The following ANKH variants were observed in gnomAD, a reference collection of about 807,000 sequenced individuals.
The protein encoded by ANKH is ANKH inorganic pyrophosphate transport regulator.
A neutral mutation model predicts 49.0 loss-of-function variants in ANKH; 15 were observed. The observed-to-expected ratio is 0.31, with a 90% CI of 0.20 to 0.47. The LOEUF is 0.47. ANKH is among the 20% of genes least tolerant of loss of function. The probability of loss-of-function intolerance (pLI) is 1.00; values close to 1 mark genes in which losing one functional copy is unlikely to be tolerated. For missense variants in ANKH, 429 were observed against 652.0 expected (o/e 0.66, Z 3.72); for synonymous variants, 273 against 260.0 (o/e 1.05, Z -0.48).
chr5:14,845,366 A>ATATATT (rs1425131816), intron 1 of ANKH, among the ~76,000 whole-genome samples: 12 of 75,728 alleles, frequency 1.6e-4, no homozygotes, highest in Admixed American at 4.2e-4. Context: ...ATATATATAT[A>ATATATT]TTTTTTTTTT....
At chr5:14,804,585 T>A (rs1740650002) in intron 1 of ANKH, among the ~76,000 whole-genome samples, 1 of 152,250 alleles carries the variant, frequency 6.6e-6, no homozygotes, top group South Asian at 2.1e-4. Context: ...AATGTGATTG[T>A]CAGTGATGGA....
chr5:14,809,710 T>G (rs1202758461), intron 1 of ANKH, among the ~76,000 whole-genome samples: 2 of 152,220 alleles, frequency 1.3e-5, no homozygotes, highest in East Asian at 1.9e-4. Flanking sequence ...TGTTCAATTC[T>G]CACCTTTCTG....
intron 1 of ANKH, among the ~76,000 whole-genome samples, chr5:14,838,096 C>T (rs917633811): frequency 5.9e-5 from 9 of 152,088 alleles, no homozygotes; most frequent in East Asian, 1.9e-4. Context: ...GGAAACATCA[C>T]GCACCAGGGC....
intron 11 of ANKH, among the ~76,000 whole-genome samples, chr5:14,711,903 C>G (rs748232847): frequency 6.6e-6 from 1 of 152,188 alleles, no homozygotes; most frequent in African/African-American, 2.4e-5. Flanking sequence ...TTGCCATTAT[C>G]GACACACCAA....
At position 14,856,172 on chromosome 5, in the gene ANKH, C is replaced by T. The variant is rs1160329293; in HGVS notation, c.96+15180G>A. ...CGATCTCTACAAAAAATAGAGGAGGCGGAGGCTGCAGTGAGCCGTGATCAT... is the reference window on the plus strand; with the variant it reads ...CGATCTCTACAAAAAATAGAGGAGGTGGAGGCTGCAGTGAGCCGTGATCAT... On this transcript the variant is annotated intron_variant, in intron 1 of 11. Coordinates refer to ENST00000284268, the MANE Select transcript of ANKH (RefSeq NM_054027.6). 5.9e-5 allele frequency among the ~76,000 whole-genome samples: 9 copies of T among 151,616 alleles called. No homozygotes were observed. In the Middle Eastern group the frequency reaches 0.014, roughly 229 times the overall value.
At position 14,711,174 on chromosome 5, in the gene ANKH, C is replaced by T. The variant is rs768881782; in HGVS notation, c.*23G>A. 8.3e-6 allele frequency: 13 copies of T among 1,567,256 alleles called. No homozygotes were observed. The highest frequency in any genetic ancestry group is 1.1e-5 in the Non-Finnish European group (13 of 1,137,510). ...GTGTCATCCTGACTGACTGTCCCTG[C>T]AGTGCCCATGGCGTCCCGTGCCTTA... is the stretch of plus-strand genomic sequence containing the variant. On this transcript the variant is annotated 3_prime_UTR_variant, in exon 12 of 12. Transcript: ENST00000284268.
chr5:14,729,547 A>C (rs1387991379), intron 8 of ANKH, among the ~76,000 whole-genome samples: 1 of 151,608 alleles, frequency 6.6e-6, no homozygotes, highest in East Asian at 1.9e-4. Flanking sequence ...AGTGCCAGAC[A>C]GGACCCCAAA....
chr5:14,782,337 C>T (rs761192496), intron 1 of ANKH, among the ~76,000 whole-genome samples: 16 of 152,088 alleles, frequency 1.1e-4, no homozygotes, highest in Non-Finnish European at 1.8e-4. Flanking sequence ...TTTTATTCCC[C>T]AGTTTACTGG....
At chr5:14,862,772 AC>A (rs1735534656) in intron 1 of ANKH, among the ~76,000 whole-genome samples, 2 of 152,186 alleles carry the variant, frequency 1.3e-5, no homozygotes, top group Admixed American at 1.3e-4. Flanking sequence ...CAGGATCTAA[AC>A]AATTTGAGGG....
chr5:14,741,407 A>G (rs1738350231), intron 8 of ANKH: 2 of 239,344 alleles, frequency 8.4e-6, no homozygotes, highest in East Asian at 1.2e-4. Context: ...CACGTAAGTA[A>G]GCTATGTCAG....
At chr5:14,763,651 A>G (rs1226213056) in intron 2 of ANKH, among the ~76,000 whole-genome samples, 2 of 152,258 alleles carry the variant, frequency 1.3e-5, no homozygotes, top group Non-Finnish European at 2.9e-5. Flanking sequence ...CACTGGCATC[A>G]AGACTTGGTG....
intron 1 of ANKH, among the ~76,000 whole-genome samples, chr5:14,793,487 A>G (rs1410151786): frequency 6.6e-6 from 1 of 152,116 alleles, no homozygotes; most frequent in Non-Finnish European, 1.5e-5. Context: ...CAGTGAGACC[A>G]CCGGACACCT....
chr5:14,820,650 G>C (rs74375667), intron 1 of ANKH, among the ~76,000 whole-genome samples: 2,461 of 152,286 alleles, frequency 0.016, 70 homozygotes, highest in African/African-American at 0.056. Context: ...AGATACCAAG[G>C]GTAGGAGGAT....
At position 14,784,123 on chromosome 5, in the gene ANKH, C is replaced by A. The variant is rs80140215; in HGVS notation, c.97-14932G>T. Among the ~76,000 whole-genome samples the A allele has an allele frequency of 2.6e-5, 4 of 152,324 alleles. No homozygotes were observed. In the South Asian group the frequency reaches 8.3e-4, roughly 32 times the overall value. Reference sequence around the variant, plus strand: ...TACAGAACCCATGAAGAATAACAACCTCTTACATAGGCGGTACTGCACATT... The same window carrying A: ...TACAGAACCCATGAAGAATAACAACATCTTACATAGGCGGTACTGCACATT... On this transcript the variant is annotated intron_variant, in intron 1 of 11. Transcript: ENST00000284268.
chr5:14,786,529 C>T (rs1018978990), intron 1 of ANKH, among the ~76,000 whole-genome samples: 2 of 152,182 alleles, frequency 1.3e-5, no homozygotes, highest in Admixed American at 1.3e-4. Flanking sequence ...AGATATTTAA[C>T]TACAGAGAAG....
chr5:14,751,528 TA>T (rs1738717721), intron 4 of ANKH, among the ~76,000 whole-genome samples: 1 of 152,206 alleles, frequency 6.6e-6, no homozygotes, highest in African/African-American at 2.4e-5. Flanking sequence ...GTTATTACTT[TA>T]AAAAAATTTA....
chr5:14,862,869 G>A (rs113237455), intron 1 of ANKH, among the ~76,000 whole-genome samples: 1,628 of 152,252 alleles, frequency 0.011, 8 homozygotes, highest in Non-Finnish European at 0.018. Context: ...CTCTAGAACA[G>A]ACACAAAATG....
At chr5:14,763,843 C>A (rs974739892) in intron 2 of ANKH, among the ~76,000 whole-genome samples, 4 of 152,144 alleles carry the variant, frequency 2.6e-5, no homozygotes, top group Non-Finnish European at 4.4e-5. Flanking sequence ...AATCCCAGCA[C>A]TTTGGGAGGC....
intron 1 of ANKH, among the ~76,000 whole-genome samples, chr5:14,820,027 G>A (rs1561070317): frequency 6.6e-6 from 1 of 151,976 alleles, no homozygotes; most frequent in Non-Finnish European, 1.5e-5. Context: ...AAATACTATG[G>A]TGTAAATTAA....
Sources: gnomAD v4.1 joint callset for allele counts (sites outside exome capture counted in the v4.1 genomes callset) on GRCh38, gnomAD v4.1.1 for gene constraint, MANE v1.5 for transcripts, NCBI Gene and HGNC (gene_info 2026-07-23, HGNC 2026-07-21) for gene names.